The following MAF variants were observed in gnomAD, a reference collection of about 807,000 sequenced individuals.
MAF encodes transcription factor Maf.
MAF carries 10 observed loss-of-function variants against 22.0 expected under a neutral mutation model. That is an observed-to-expected ratio of 0.45 (90% CI 0.28 to 0.77). The LOEUF (loss-of-function observed/expected upper bound fraction) is 0.77. Ranked by LOEUF, MAF falls within the 30% of genes least tolerant of loss-of-function variation. The pLI, the probability that MAF is intolerant of heterozygous loss-of-function variation, is 0.12. For missense variants in MAF, 544 were observed against 548.4 expected (o/e 0.99, Z 0.08); for synonymous variants, 337 against 255.8 (o/e 1.32, Z -3.03).
the MAF span, among the ~76,000 whole-genome samples, chr16:79,392,197 C>A: frequency 7.7e-6 from 1 of 130,082 alleles, no homozygotes; most frequent in South Asian, 2.5e-4. Flanking sequence ...GAAGGAGAGA[C>A]AAGAAGAGAG....
chr16:79,521,474 G>A, the MAF span, among the ~76,000 whole-genome samples: 5 of 152,200 alleles, frequency 3.3e-5, no homozygotes, highest in Non-Finnish European at 2.9e-5. Flanking sequence ...GACGCATTTC[G>A]TACAGGATCT....
At chr16:79,403,672 T>C in the MAF span, among the ~76,000 whole-genome samples, 1 of 152,182 alleles carries the variant, frequency 6.6e-6, no homozygotes, top group Non-Finnish European at 1.5e-5. Context: ...GCTCACACCA[T>C]GGTGAGATTA....
At chr16:79,241,167 G>C in the MAF span, among the ~76,000 whole-genome samples, 1 of 152,176 alleles carries the variant, frequency 6.6e-6, no homozygotes. Flanking sequence ...CCCAGCAAGG[G>C]AACAAAACTG....
At chr16:79,436,572 G>C in the MAF span, among the ~76,000 whole-genome samples, 1 of 152,104 alleles carries the variant, frequency 6.6e-6, no homozygotes, top group Non-Finnish European at 1.5e-5. Flanking sequence ...ACACCAAAGG[G>C]TTATTTATCA....
At chr16:79,541,322 C>T in the MAF span, among the ~76,000 whole-genome samples, 1 of 152,186 alleles carries the variant, frequency 6.6e-6, no homozygotes, top group Non-Finnish European at 1.5e-5. Flanking sequence ...AGTCCTCTCA[C>T]AACTGTCAGA....
chr16:79,317,443 C>T, the MAF span, among the ~76,000 whole-genome samples: 1 of 145,354 alleles, frequency 6.9e-6, no homozygotes, highest in Non-Finnish European at 1.5e-5. Flanking sequence ...TCCCTCCCTC[C>T]CTCCCTACTT....
At chr16:79,379,530 C>A in the MAF span, among the ~76,000 whole-genome samples, 1 of 142,974 alleles carries the variant, frequency 7.0e-6, no homozygotes, top group South Asian at 2.2e-4. Flanking sequence ...CACACACACA[C>A]AACTAGCGGG....
chr16:79,525,737 A>G, the MAF span, among the ~76,000 whole-genome samples: 1 of 152,210 alleles, frequency 6.6e-6, no homozygotes, highest in East Asian at 1.9e-4. Context: ...TAATGATTAT[A>G]TCTACAAATG....
At chr16:79,289,481 T>C in the MAF span, among the ~76,000 whole-genome samples, 2 of 152,090 alleles carry the variant, frequency 1.3e-5, no homozygotes, top group African/African-American at 4.8e-5. Context: ...AGCAGGTTTT[T>C]GGGGTTGGGA....
chr16:79,326,385 C>T, the MAF span, among the ~76,000 whole-genome samples: 201 of 152,280 alleles, frequency 1.3e-3, no homozygotes, highest in African/African-American at 4.1e-3. Context: ...CAGGGTTCTA[C>T]CCCCATTTAA....
chr16:79,563,970 T>C, the MAF span, among the ~76,000 whole-genome samples: 1 of 152,266 alleles, frequency 6.6e-6, no homozygotes, highest in African/African-American at 2.4e-5. Context: ...ACTATTAGCT[T>C]AGGTTTGAAG....
the MAF span, among the ~76,000 whole-genome samples, chr16:79,367,535 G>C: frequency 6.6e-6 from 1 of 152,162 alleles, no homozygotes; most frequent in East Asian, 1.9e-4. Flanking sequence ...GTTCTTGGAG[G>C]ATACTACATA....
the MAF span, among the ~76,000 whole-genome samples, chr16:79,420,578 C>T: frequency 6.6e-6 from 1 of 152,198 alleles, no homozygotes; most frequent in Non-Finnish European, 1.5e-5. Context: ...CAACCTCCCG[C>T]ACCAGAGTGG....
At chr16:79,219,288 A>G in the MAF span, among the ~76,000 whole-genome samples, 1 of 152,160 alleles carries the variant, frequency 6.6e-6, no homozygotes, top group Admixed American at 6.5e-5. Context: ...GATGCTGGGC[A>G]TTCCCTGAGG....
chr16:79,420,004 GT>G, the MAF span, among the ~76,000 whole-genome samples: 21 of 148,792 alleles, frequency 1.4e-4, no homozygotes, highest in East Asian at 3.9e-4. Context: ...GTAACACACG[GT>G]TTTTTTTTTT....
At chr16:79,211,034 A>AGGGTGT in the MAF span, among the ~76,000 whole-genome samples, 64 of 149,718 alleles carry the variant, frequency 4.3e-4, no homozygotes, top group African/African-American at 1.4e-3. Flanking sequence ...TATGGTGAGG[A>AGGGTGT]GTGTGTGTGT....
chr16:79,403,162 C>A, the MAF span, among the ~76,000 whole-genome samples: 1 of 152,196 alleles, frequency 6.6e-6, no homozygotes, highest in Non-Finnish European at 1.5e-5. Flanking sequence ...TAGCCAGCAC[C>A]TTCTGGCATG....
chr16:79,360,102 C>A, the MAF span, among the ~76,000 whole-genome samples: 1 of 152,182 alleles, frequency 6.6e-6, no homozygotes, highest in Non-Finnish European at 1.5e-5. Context: ...CCTTGGAACA[C>A]AGGGAGCTGT....
the MAF span, among the ~76,000 whole-genome samples, chr16:79,575,994 A>T: frequency 6.6e-6 from 1 of 152,122 alleles, no homozygotes; most frequent in Non-Finnish European, 1.5e-5. Context: ...GAGCCTATGA[A>T]CACAGTAAAG....
Sources: gnomAD v4.1 joint callset for allele counts (sites outside exome capture counted in the v4.1 genomes callset) on GRCh38, gnomAD v4.1.1 for gene constraint, MANE v1.5 for transcripts, NCBI Gene and HGNC (gene_info 2026-07-23, HGNC 2026-07-21) for gene names.